The following EML1 variants were observed in gnomAD, a reference collection of about 807,000 sequenced individuals.
The protein encoded by EML1 is EMAP like 1.
In EML1, 27 loss-of-function variants were observed where a neutral mutation model predicts 110.4. The observed-to-expected ratio is 0.24, with a 90% CI of 0.18 to 0.34. The LOEUF (loss-of-function observed/expected upper bound fraction) is 0.34, where lower values mean the gene tolerates loss of function less well. Ranked by LOEUF, EML1 falls within the 10% of genes least tolerant of loss-of-function variation. The pLI, the probability that EML1 is intolerant of heterozygous loss-of-function variation, is 1.00. For missense variants in EML1, 741 were observed against 1,030.9 expected (o/e 0.72, Z 3.85); for synonymous variants, 344 against 385.8 (o/e 0.89, Z 1.27).
chr14:99,828,642 G>A (rs1038661072), intron 1 of EML1, among the ~76,000 whole-genome samples: 3 of 152,130 alleles, frequency 2.0e-5, no homozygotes, highest in Non-Finnish European at 4.4e-5. Context: ...GGTTACGGGT[G>A]CTAATCCCCA....
chr14:99,907,986 A>T (rs2059883248), intron 10 of EML1, among the ~76,000 whole-genome samples: 1 of 152,126 alleles, frequency 6.6e-6, no homozygotes, highest in African/African-American at 2.4e-5. Context: ...CTACCCTTTT[A>T]ATTCATCCAG....
Position 99,781,078 on chromosome 14 carries a change from G to A in EML1, c.-27+7065G>A, listed in dbSNP as rs1416794766. 1.3e-5 allele frequency among the ~76,000 whole-genome samples: 2 copies of A among 151,874 alleles called. No homozygotes were observed. The highest frequency in any genetic ancestry group is 2.9e-5 in the Non-Finnish European group (2 of 67,980). ...CATCTCTCCTTCTTTCCAAGGACAC[G>A]CGCCCCTGCCCCCAGAATACTGGTT... is the stretch of plus-strand genomic sequence containing the variant. On this transcript the variant is annotated intron_variant, in intron 1 of 22. Coordinates refer to the EML1 transcript ENST00000327921. The surrounding 1 kb of genome is among the most constrained non-coding windows in gnomAD (Gnocchi z 4.2).
upstream of EML1, among the ~76,000 whole-genome samples, chr14:99,790,438 A>G (rs1273129796): frequency 6.6e-6 from 1 of 152,018 alleles, no homozygotes; most frequent in East Asian, 1.9e-4. Flanking sequence ...CCTGGGCCCA[A>G]GTCGTCCTCG....
upstream of EML1, among the ~76,000 whole-genome samples, chr14:99,790,866 C>T (rs7154495): frequency 0.63 from 88,091 of 139,990 alleles, 29,471 homozygotes; most frequent in African/African-American, 0.87. Context: ...TTTTCTTTTC[C>T]TTTTTTTTTG....
intron 17 of EML1, among the ~76,000 whole-genome samples, chr14:99,935,609 T>C (rs1384130429): frequency 6.6e-6 from 1 of 151,808 alleles, no homozygotes; most frequent in Non-Finnish European, 1.5e-5. Context: ...CGTTGAAACC[T>C]CGTCTCTACC....
At chr14:99,885,779 A>G (rs1025804302) in intron 4 of EML1, 10 of 406,586 alleles carry the variant, frequency 2.5e-5, no homozygotes, top group African/African-American at 1.6e-4. Context: ...GAGGGAAGCC[A>G]TATTAATTAA....
At chr14:99,914,355 C>G (rs1474241672) in intron 14 of EML1, 51 bp downstream of exon 14, 2 of 1,587,554 alleles carry the variant, frequency 1.3e-6, no homozygotes, top group Non-Finnish European at 1.7e-6. Context: ...TGCATTATAT[C>G]AGACCCTAAT....
intron 1 of EML1, among the ~76,000 whole-genome samples, chr14:99,763,140 T>C (rs566586503): frequency 1.3e-5 from 2 of 152,290 alleles, no homozygotes; most frequent in South Asian, 4.2e-4. Context: ...CCGCCATCTA[T>C]GTAAGATGTG....
chr14:99,876,759 C>A (rs1030881294), intron 3 of EML1, among the ~76,000 whole-genome samples: 5 of 152,322 alleles, frequency 3.3e-5, no homozygotes, highest in African/African-American at 9.6e-5. Flanking sequence ...AGCCCCCTGC[C>A]TGCCCCTCCC....
intron 10 of EML1, among the ~76,000 whole-genome samples, chr14:99,908,689 T>C (rs1297230285): frequency 6.6e-6 from 1 of 151,976 alleles, no homozygotes; most frequent in African/African-American, 2.4e-5. Flanking sequence ...GAGGTTAGGG[T>C]GTGGGCTGAA....
chr14:99,928,957 G>A (rs1256627421), intron 17 of EML1, among the ~76,000 whole-genome samples: 1 of 152,112 alleles, frequency 6.6e-6, no homozygotes. Flanking sequence ...ATCTTATCTT[G>A]TGTTTCTCAC....
At chr14:99,860,100 C>T (rs967595423) in intron 2 of EML1, among the ~76,000 whole-genome samples, 1 of 152,050 alleles carries the variant, frequency 6.6e-6, no homozygotes, top group African/African-American at 2.4e-5. Context: ...GGACCCTTGC[C>T]CTCCTTCACC....
In EML1 at chr14:99,798,414, A is replaced by G. The variant is rs1170977870; in HGVS notation, c.67+4871A>G. 7.8e-5 allele frequency among the ~76,000 whole-genome samples: 11 copies of G among 140,648 alleles called. No individual in the cohort carries two copies. The East Asian group carries it at 2.3e-3, about 29-fold the overall frequency. 92.3% of individuals were successfully genotyped at this position (140,648 alleles called of 152,430 possible). A position where few individuals can be genotyped will look rare whatever the true frequency, so the allele number is the denominator to read the frequency against. On this transcript the variant is annotated intron_variant, in intron 1 of 21. Transcript: ENST00000262233. ...ATACTTTTTTTTTTTTTTTTTCGAG[A>G]CAGAGTCTCACTCTGTCGCCCAGGC...
intron 9 of EML1, among the ~76,000 whole-genome samples, chr14:99,904,443 C>T (rs1374794606): frequency 2.0e-5 from 3 of 152,182 alleles, no homozygotes. Flanking sequence ...TTTCTTTATA[C>T]ACCTTACATA....
At chr14:99,756,363 C>A (rs2140180808) in intron 1 of EML1, among the ~76,000 whole-genome samples, 1 of 152,332 alleles carries the variant, frequency 6.6e-6, no homozygotes, top group Non-Finnish European at 1.5e-5. Context: ...AGGCGGGAGG[C>A]AGAGGCTGAC....
chr14:99,878,911 T>A (rs1566913608), intron 4 of EML1, among the ~76,000 whole-genome samples: 3 of 152,228 alleles, frequency 2.0e-5, no homozygotes. Context: ...TACCTAGAAC[T>A]GGGGAAGCCA....
chr14:99,929,831 C>T (rs1051872174), intron 17 of EML1, among the ~76,000 whole-genome samples: 16 of 152,186 alleles, frequency 1.1e-4, no homozygotes, highest in Admixed American at 1.0e-3. Flanking sequence ...CAGCACCCTG[C>T]GCTGCCATGT....
chr14:99,771,440 C>T (rs2057427422), upstream of EML1, among the ~76,000 whole-genome samples: 1 of 152,196 alleles, frequency 6.6e-6, no homozygotes, highest in African/African-American at 2.4e-5. Context: ...CAGTTCATCG[C>T]GTGGATAAAC....
At chr14:99,746,349 A>G (rs909545678) in intron 1 of EML1, among the ~76,000 whole-genome samples, 9 of 152,272 alleles carry the variant, frequency 5.9e-5, no homozygotes, top group Middle Eastern at 3.4e-3. Flanking sequence ...ACCCAAGCCC[A>G]GCAATCCCCT....
Sources: gnomAD v4.1 joint callset for allele counts (sites outside exome capture counted in the v4.1 genomes callset) on GRCh38, gnomAD v4.1.1 for gene constraint, Gnocchi (gnomAD v3.1) non-coding constraint, MANE v1.5 for transcripts, NCBI Gene and HGNC (gene_info 2026-07-23, HGNC 2026-07-21) for gene names.